TCF12: variants seen among roughly 807,000 people sequenced by gnomAD.
TCF12 encodes DNA-binding protein HTF4.
Under a neutral mutation model 86.0 loss-of-function variants are expected in TCF12, and 45 were observed. That is an observed-to-expected ratio of 0.52 (90% CI 0.41 to 0.67). The LOEUF (loss-of-function observed/expected upper bound fraction) is 0.67. Ranked by LOEUF, TCF12 falls within the 30% of genes least tolerant of loss-of-function variation. TCF12 has a pLI of 0.00. For missense variants in TCF12, 881 were observed against 859.9 expected (o/e 1.02, Z -0.31); for synonymous variants, 330 against 299.6 (o/e 1.10, Z -1.05).
At chr15:57,037,167 G>A (rs1303833414) in intron 3 of TCF12, among the ~76,000 whole-genome samples, 1 of 152,138 alleles carries the variant, frequency 6.6e-6, no homozygotes, top group Non-Finnish European at 1.5e-5. Context: ...AGTATAAGGG[G>A]CTCGAGCACG....
At chr15:57,181,187 A>AAC (rs1240550364) in intron 6 of TCF12, among the ~76,000 whole-genome samples, 3 of 152,172 alleles carry the variant, frequency 2.0e-5, no homozygotes, top group Admixed American at 6.5e-5. Context: ...TTGGCGTTTA[A>AAC]GCCAAGCCAC....
Position 57,031,172 on chromosome 15 carries a change from T to G in TCF12, c.149-32578T>G, listed in dbSNP as rs77985677. On this transcript the variant is annotated intron_variant, in intron 3 of 20. Transcript: ENST00000333725. Reference sequence around the variant, plus strand: ...AGATGCTGCTCTCTCTATATTTTTCTGCCTCTTACCTTTATTTTTAAGTGT... The same window carrying G: ...AGATGCTGCTCTCTCTATATTTTTCGGCCTCTTACCTTTATTTTTAAGTGT... Among the ~76,000 whole-genome samples the G allele has an allele frequency of 3.4e-3, 517 of 152,366 alleles. 6 individuals are homozygous for G. Among genetic ancestry groups the G allele is most frequent in the African/African-American group, 0.012 (487 of 41,598 alleles).
intron 5 of TCF12, among the ~76,000 whole-genome samples, chr15:57,128,898 G>A (rs1187259488): frequency 1.3e-5 from 2 of 152,106 alleles, no homozygotes; most frequent in African/African-American, 4.8e-5. Flanking sequence ...ATATTCCATT[G>A]TATGGATATA....
intron 3 of TCF12, among the ~76,000 whole-genome samples, chr15:56,952,373 A>T (rs2061319298): frequency 1.3e-5 from 2 of 148,236 alleles, no homozygotes; most frequent in African/African-American, 2.5e-5. Context: ...TGGCTATTCT[A>T]GGTCCTCTGC....
At chr15:57,231,620 G>C (rs1238964954) in intron 9 of TCF12, among the ~76,000 whole-genome samples, 1 of 152,120 alleles carries the variant, frequency 6.6e-6, no homozygotes, top group African/African-American at 2.4e-5. Context: ...CCAATATAAA[G>C]AAAGAGTGAA....
At chr15:56,964,221 G>A (rs1273334818) in intron 3 of TCF12, among the ~76,000 whole-genome samples, 1 of 152,162 alleles carries the variant, frequency 6.6e-6, no homozygotes, top group African/African-American at 2.4e-5. Context: ...ATTGTCTAAA[G>A]TTTTGGTAGA....
At chr15:57,248,489 C>A (rs2059962849) in intron 13 of TCF12, among the ~76,000 whole-genome samples, 1 of 152,188 alleles carries the variant, frequency 6.6e-6, no homozygotes, top group East Asian at 1.9e-4. Context: ...CCTTTCATTA[C>A]CTCCTTCTGG....
intron 3 of TCF12, among the ~76,000 whole-genome samples, chr15:57,010,007 A>G (rs2064724077): frequency 6.6e-6 from 1 of 152,196 alleles, no homozygotes; most frequent in Non-Finnish European, 1.5e-5. Context: ...AGTCAGGTTT[A>G]CAGGTAGTGC....
At chr15:57,245,039 G>A (rs1469139855) in intron 13 of TCF12, among the ~76,000 whole-genome samples, 4 of 152,174 alleles carry the variant, frequency 2.6e-5, no homozygotes, top group African/African-American at 4.8e-5. Context: ...TGGCAACTGG[G>A]TAAAGTTACC....
chr15:56,987,589 A>G (rs1195353382), intron 3 of TCF12, among the ~76,000 whole-genome samples: 3 of 152,198 alleles, frequency 2.0e-5, no homozygotes, highest in Non-Finnish European at 4.4e-5. Flanking sequence ...TTAGGTAACT[A>G]TGGAATCTTC....
At chr15:56,976,149 G>T (rs1296057027) in intron 3 of TCF12, among the ~76,000 whole-genome samples, 1 of 149,410 alleles carries the variant, frequency 6.7e-6, no homozygotes, top group Admixed American at 6.7e-5. Flanking sequence ...TGGAAGGAAA[G>T]AATTGAGCAT....
chr15:56,987,587 CTA>C (rs1266544548), intron 3 of TCF12, among the ~76,000 whole-genome samples: 1 of 152,104 alleles, frequency 6.6e-6, no homozygotes, highest in Non-Finnish European at 1.5e-5. Context: ...TGTTAGGTAA[CTA>C]TGGAATCTTC....
chr15:57,226,050 T>A lies in TCF12; in HGVS notation c.580-5102T>A, dbSNP rs2058859706. 3.4e-5 allele frequency among the ~76,000 whole-genome samples: 5 copies of A among 145,856 alleles called. No individual in the cohort carries two copies. The Admixed American group carries it at 3.5e-4, about 10-fold the overall frequency. ...ATCAATTTAAATTAAATTAATAATTTAAACACTAAAAATCTTAAAATTACC... is the reference window on the plus strand; with the variant it reads ...ATCAATTTAAATTAAATTAATAATTAAAACACTAAAAATCTTAAAATTACC... On this transcript the variant is annotated intron_variant, in intron 8 of 20. Coordinates refer to ENST00000333725, the MANE Select transcript of TCF12 (RefSeq NM_207037.2).
chr15:57,168,126 A>G (rs1346591296), intron 6 of TCF12, among the ~76,000 whole-genome samples: 3 of 152,216 alleles, frequency 2.0e-5, no homozygotes, highest in African/African-American at 7.2e-5. Flanking sequence ...AGCCTGGGCA[A>G]TGTAGCCAGA....
chr15:57,127,268 C>T (rs1339842286), intron 5 of TCF12, among the ~76,000 whole-genome samples: 1 of 152,098 alleles, frequency 6.6e-6, no homozygotes, highest in African/African-American at 2.4e-5. Flanking sequence ...CAGGTGTGAG[C>T]CACCTTGCCT....
intron 5 of TCF12, among the ~76,000 whole-genome samples, chr15:57,150,536 A>T (rs1028037643): frequency 6.6e-6 from 1 of 152,200 alleles, no homozygotes; most frequent in Admixed American, 6.5e-5. Context: ...ACAAAGTCTG[A>T]CATTCTTTGA....
intron 6 of TCF12, among the ~76,000 whole-genome samples, chr15:57,170,676 ATAT>A (rs2055301837): frequency 2.0e-4 from 1 of 5,084 alleles, no homozygotes; most frequent in Non-Finnish European, 1.7e-3. Flanking sequence ...TATATATATA[ATAT>A]ATTATATATA....
At chr15:57,200,172 C>T (rs2057469797) in intron 8 of TCF12, among the ~76,000 whole-genome samples, 1 of 151,784 alleles carries the variant, frequency 6.6e-6, no homozygotes, top group Admixed American at 6.6e-5. Flanking sequence ...CGAGCCACCA[C>T]ACCCGGCTGA....
chr15:57,187,650 G>A (rs1298201705), intron 6 of TCF12, among the ~76,000 whole-genome samples: 1 of 152,168 alleles, frequency 6.6e-6, no homozygotes, highest in Admixed American at 6.5e-5. Flanking sequence ...ACAGATTAGT[G>A]GCTGGGCATG....
Sources: allele counts gnomAD v4.1 joint callset (sites outside exome capture counted in the v4.1 genomes callset), GRCh38; gene constraint gnomAD v4.1.1; transcripts MANE v1.5; gene names NCBI Gene and HGNC (gene_info 2026-07-23, HGNC 2026-07-21).